The following ANO2 variants were observed in gnomAD, a reference collection of about 807,000 sequenced individuals.
ANO2 encodes the protein anoctamin-2.
ANO2 carries 101 observed loss-of-function variants against 124.2 expected under a neutral mutation model. That is an observed-to-expected ratio of 0.81 (90% confidence interval 0.69 to 0.96). The LOEUF (loss-of-function observed/expected upper bound fraction) is 0.96, where lower values mean the gene tolerates loss of function less well. Among genes scored for constraint, ANO2 ranks in the 40% least tolerant of loss-of-function variants. The probability of loss-of-function intolerance (pLI) is 0.00; values close to 1 mark genes in which losing one functional copy is unlikely to be tolerated. For synonymous variants in ANO2, 486 were observed against 482.5 expected, an observed-to-expected ratio of 1.01 and a Z score of -0.09; for missense variants, 1,293 against 1,274.5, an observed-to-expected ratio of 1.01 and a Z score of -0.22.
intron 16 of ANO2, among the ~76,000 whole-genome samples, chr12:5,630,622 C>T (rs1453389744): frequency 6.6e-6 from 1 of 152,150 alleles, no homozygotes; most frequent in African/African-American, 2.4e-5. Context: ...AGATACCTAG[C>T]CTATGGGCAT....
intron 3 of ANO2, among the ~76,000 whole-genome samples, chr12:5,864,163 A>G (rs1047332033): frequency 3.3e-5 from 5 of 152,222 alleles, no homozygotes; most frequent in Non-Finnish European, 7.3e-5. Flanking sequence ...AGCTGAGCCC[A>G]CCGAGGCAGT....
chr12:5,696,841 T>C (rs573928517), intron 14 of ANO2, among the ~76,000 whole-genome samples: 3 of 152,216 alleles, frequency 2.0e-5, no homozygotes, highest in African/African-American at 7.2e-5. Context: ...TTCAGTACCT[T>C]TGCAGGTTAA....
intron 14 of ANO2, among the ~76,000 whole-genome samples, chr12:5,671,733 C>A (rs1948016513): frequency 6.6e-6 from 1 of 152,148 alleles, no homozygotes; most frequent in Non-Finnish European, 1.5e-5. Flanking sequence ...GTGCAAATGA[C>A]AATACTCGAA....
chr12:5,827,969 C>T (rs1225033415), intron 6 of ANO2, 149 bp from the exon 7 acceptor site: 1 of 776,248 alleles, frequency 1.3e-6, no homozygotes, highest in Non-Finnish European at 2.0e-6. Context: ...GCTCATGGCC[C>T]GCACATCAAC....
At chr12:5,571,093 G>T (rs954971861) in intron 23 of ANO2, among the ~76,000 whole-genome samples, 2 of 152,178 alleles carry the variant, frequency 1.3e-5, no homozygotes, top group Admixed American at 1.3e-4. Flanking sequence ...AAACCTGGCA[G>T]AAGCCATCCA....
rs1591691876 is a variant in ANO2, at chr12:5,849,028, C to T, written c.633+5015G>A. On this transcript the variant is annotated intron_variant, in intron 4 of 24. Transcript: ENST00000682330. Reference sequence around the variant, plus strand: ...TTTTGGAGATGCATGGAGCTCTGAGCCTGCTTTCCTAAAAAGGCATGACTT... The same window carrying T: ...TTTTGGAGATGCATGGAGCTCTGAGTCTGCTTTCCTAAAAAGGCATGACTT... Among the ~76,000 whole-genome samples the T allele has an allele frequency of 2.0e-5, 3 of 152,310 alleles. No individual in the cohort carries two copies. In the South Asian group the frequency reaches 6.2e-4, roughly 32 times the overall value.
At chr12:5,704,032 A>G (rs899962233) in intron 14 of ANO2, among the ~76,000 whole-genome samples, 1 of 152,278 alleles carries the variant, frequency 6.6e-6, no homozygotes, top group Non-Finnish European at 1.5e-5. Context: ...ACTACAATAG[A>G]AGATTACTTA....
At chr12:5,914,776 G>A (rs1941281990) in intron 3 of ANO2, among the ~76,000 whole-genome samples, 1 of 152,178 alleles carries the variant, frequency 6.6e-6, no homozygotes, top group Non-Finnish European at 1.5e-5. Context: ...GGCCTGCAAG[G>A]TGAGAGGTCT....
At chr12:5,910,135 G>A (rs115846049) in intron 3 of ANO2, among the ~76,000 whole-genome samples, 37 of 152,064 alleles carry the variant, frequency 2.4e-4, no homozygotes, top group African/African-American at 8.5e-4. Flanking sequence ...ATTTGTTTTC[G>A]AGATTTGTGC....
intron 4 of ANO2, among the ~76,000 whole-genome samples, chr12:5,838,678 C>G (rs150086909): frequency 9.6e-4 from 146 of 152,300 alleles, no homozygotes; most frequent in African/African-American, 3.4e-3. Flanking sequence ...CTTCCTTGCC[C>G]TCTCACTTCC....
intron 4 of ANO2, among the ~76,000 whole-genome samples, chr12:5,844,061 A>G (rs1207595015): frequency 6.6e-6 from 1 of 152,208 alleles, no homozygotes; most frequent in Non-Finnish European, 1.5e-5. Flanking sequence ...GAATAAAGAA[A>G]GGTCTATGAA....
chr12:5,839,326 G>T (rs886166268), intron 4 of ANO2, among the ~76,000 whole-genome samples: 5 of 152,152 alleles, frequency 3.3e-5, no homozygotes, highest in African/African-American at 1.2e-4. Flanking sequence ...CCCAAGACTG[G>T]AGAGAGAACT....
At chr12:5,814,613 C>T (rs1449349785) in intron 7 of ANO2, among the ~76,000 whole-genome samples, 2 of 152,172 alleles carry the variant, frequency 1.3e-5, no homozygotes, top group Admixed American at 6.5e-5. Context: ...TTCTGTCTTC[C>T]GTAACTAGAA....
Position 5,750,896 on chromosome 12 carries a change from G to A in ANO2, c.1130C>T (p.Ser377Phe). Reference sequence around the variant, plus strand: ...AAGAAACACAATCACTCCAATTACAGAAGATGGGATGAGGAATGATGTATA... The same window carrying A: ...AAGAAACACAATCACTCCAATTACAAAAGATGGGATGAGGAATGATGTATA... ...GLYTSFLIPS[S>F]VIGVIVFLYG... The change falls in exon 11 of 25, where the codon TCT becomes TTT. Residue 377 changes from serine to phenylalanine, a missense_variant. Coordinates refer to ENST00000682330, the MANE Select transcript of ANO2 (RefSeq NM_001364791.2). The A allele has an allele frequency of 6.2e-7, 1 of 1,612,330 alleles. No homozygotes were observed.
intron 13 of ANO2, among the ~76,000 whole-genome samples, chr12:5,738,732 A>G (rs1237807037): frequency 6.6e-6 from 1 of 152,106 alleles, no homozygotes; most frequent in African/African-American, 2.4e-5. Context: ...TCCTCAGAAG[A>G]GCTATAAGGG....
At chr12:5,631,276 C>T (rs1945704955) in intron 16 of ANO2, among the ~76,000 whole-genome samples, 1 of 152,198 alleles carries the variant, frequency 6.6e-6, no homozygotes, top group African/African-American at 2.4e-5. Context: ...TTTGCCTTTA[C>T]TGTTCCATCT....
chr12:5,602,921 C>A (rs1456084555), intron 19 of ANO2, among the ~76,000 whole-genome samples: 1 of 152,180 alleles, frequency 6.6e-6, no homozygotes, highest in Non-Finnish European at 1.5e-5. Flanking sequence ...CTCCTATACC[C>A]AGCCAAAGTA....
intron 13 of ANO2, among the ~76,000 whole-genome samples, chr12:5,737,303 G>C (rs1034078736): frequency 5.9e-5 from 9 of 152,218 alleles, no homozygotes; most frequent in African/African-American, 2.2e-4. Context: ...GCCCCTCTCA[G>C]CCAGCACATG....
At chr12:5,604,750 A>T (rs1944126119) in intron 19 of ANO2, among the ~76,000 whole-genome samples, 1 of 152,098 alleles carries the variant, frequency 6.6e-6, no homozygotes, top group Non-Finnish European at 1.5e-5. Flanking sequence ...TAAAAAAAAT[A>T]ATAATAAAGG....
Sources: gnomAD v4.1 joint callset for allele counts (sites outside exome capture counted in the v4.1 genomes callset) on GRCh38, gnomAD v4.1.1 for gene constraint, MANE v1.5 for transcripts, NCBI Gene and HGNC (gene_info 2026-07-23, HGNC 2026-07-21) for gene names.